Variants in TLN2 observed in about 807,000 individuals in gnomAD.
TLN2 encodes talin 2, also known as talin-2.
TLN2 carries 118 observed loss-of-function variants against 294.7 expected under a neutral mutation model. The ratio of observed to expected loss-of-function variants is 0.40; its 90% CI spans 0.34 to 0.47. TLN2 has a LOEUF of 0.47. Among genes scored for constraint, TLN2 ranks in the 20% least tolerant of loss-of-function variants. The pLI is 0.84. For synonymous variants in TLN2, 1,431 were observed against 1,304.5 expected, an observed-to-expected ratio of 1.10 and a Z score of -2.09; for missense variants, 3,083 against 3,282.2, an observed-to-expected ratio of 0.94 and a Z score of 1.48.
chr15:62,609,642 C>G (rs1484124560), intron 2 of TLN2, among the ~76,000 whole-genome samples: 1 of 152,088 alleles, frequency 6.6e-6, no homozygotes, highest in African/African-American at 2.4e-5. Context: ...AGAAGGGATA[C>G]CATGTTCTTT....
Position 62,820,641 on chromosome 15 carries a change from T to C in TLN2, c.7002+31T>C, listed in dbSNP as rs1420810893. On this transcript the variant is annotated intron_variant, in intron 54 of 58. Coordinates refer to ENST00000636159, the MANE Select transcript of TLN2 (RefSeq NM_015059.3). ...TGTTCATTTATGGTTGGCTGTCCGATGTCAGTGGGTTCTTCCAGTGGGTGG... is the reference window on the plus strand; with the variant it reads ...TGTTCATTTATGGTTGGCTGTCCGACGTCAGTGGGTTCTTCCAGTGGGTGG... 12 of 1,603,268 alleles carry C rather than the reference T, an allele frequency of 7.5e-6. No individual in the cohort carries two copies. The African/African-American group carries it at 8.0e-5, about 11-fold the overall frequency.
chr15:62,678,814 G>A (rs1487697597), intron 11 of TLN2, among the ~76,000 whole-genome samples: 5 of 152,236 alleles, frequency 3.3e-5, no homozygotes, highest in South Asian at 4.2e-4. Flanking sequence ...CTGGGCGATA[G>A]AGCAAGACTC....
chr15:62,562,348 C>G (rs2043036435), intron 1 of TLN2, among the ~76,000 whole-genome samples: 1 of 152,098 alleles, frequency 6.6e-6, no homozygotes, highest in Admixed American at 6.5e-5. Context: ...TGCCTGACAC[C>G]TGGCATCCTG....
chr15:62,835,571 G>T, intron 55 of TLN2, 166 bp from the exon 56 acceptor site: 1 of 708,116 alleles, frequency 1.4e-6, no homozygotes, highest in Non-Finnish European at 2.4e-6. Context: ...TCTTGGCATG[G>T]CCTGAGTCCC....
chr15:62,664,872 A>AAAAAAAAT (rs2054383434), intron 9 of TLN2, among the ~76,000 whole-genome samples: 1 of 149,708 alleles, frequency 6.7e-6, no homozygotes, highest in African/African-American at 2.4e-5. Context: ...AAAAAAAAAA[A>AAAAAAAAT]AAAAAAGTGG....
At chr15:62,527,861 A>G (rs566654325) in intron 1 of TLN2, among the ~76,000 whole-genome samples, 143 of 152,334 alleles carry the variant, frequency 9.4e-4, no homozygotes, top group African/African-American at 3.3e-3. Flanking sequence ...AGTTACTCTG[A>G]ATCCTATAGC....
intron 31 of TLN2, 108 bp from the exon 32 acceptor site, chr15:62,740,522 C>T: frequency 1.4e-6 from 2 of 1,475,964 alleles, no homozygotes; most frequent in South Asian, 2.6e-5. Context: ...TTAATGTGAT[C>T]TATACGGATA....
At chr15:62,706,595 T>G (rs1307027535) in intron 19 of TLN2, among the ~76,000 whole-genome samples, 1 of 152,250 alleles carries the variant, frequency 6.6e-6, no homozygotes, top group Non-Finnish European at 1.5e-5. Context: ...TGGCTAAATT[T>G]CTGATGACGA....
At chr15:62,781,263 C>T (rs576217119) in intron 44 of TLN2, 22 bp downstream of exon 44, 2 of 1,583,530 alleles carry the variant, frequency 1.3e-6, no homozygotes, top group African/African-American at 1.3e-5. Context: ...GAGAGCTGCC[C>T]TCCCCACTGT....
rs189321852 is a variant in TLN2 at position 62,626,950 on chromosome 15, C to T, written c.-37+8475C>T. Among the ~76,000 whole-genome samples, 171 of 152,290 alleles carry T rather than the reference C, an allele frequency of 1.1e-3. 1 individual carries two copies. Among genetic ancestry groups the T allele is most frequent in the African/African-American group, 3.9e-3 (162 of 41,570 alleles). On this transcript the variant is annotated intron_variant, in intron 3 of 58. Coordinates refer to ENST00000636159, the MANE Select transcript of TLN2 (RefSeq NM_015059.3). ...GCAAGGACGAATACCAAGGTGTTTC[C>T]TCTTGGCAGATATCCAGTTACATTA...
intron 1 of TLN2, among the ~76,000 whole-genome samples, chr15:62,435,647 C>T (rs1024457276): frequency 6.6e-6 from 1 of 152,090 alleles, no homozygotes; most frequent in Admixed American, 6.6e-5. Flanking sequence ...GTTCGAGCAA[C>T]TCTCTTGCCT....
At chr15:62,674,694 G>T (rs950391902) in intron 10 of TLN2, among the ~76,000 whole-genome samples, 3 of 151,910 alleles carry the variant, frequency 2.0e-5, no homozygotes, top group Non-Finnish European at 4.4e-5. Context: ...TAGAGAGGGG[G>T]TTTCACCATG....
At chr15:62,433,299 T>C (rs2035113348) in intron 1 of TLN2, among the ~76,000 whole-genome samples, 1 of 152,130 alleles carries the variant, frequency 6.6e-6, no homozygotes, top group African/African-American at 2.4e-5. Flanking sequence ...AACTTCTTGT[T>C]GTATCTGAAT....
rs764248336 is a variant in TLN2, at chr15:62,582,246, A to ACACACACACACCCCCC, written c.-237-7439_-237-7438insCACACACACCCCCCCA. Among the ~76,000 whole-genome samples, 154 of 137,310 alleles carry ACACACACACACCCCCC rather than the reference A, an allele frequency of 1.1e-3. 3 individuals are homozygous for ACACACACACACCCCCC. The highest frequency in any genetic ancestry group is 3.7e-3 in the East Asian group (16 of 4,332). 90.1% of individuals were successfully genotyped at this position (137,310 alleles called of 152,430 possible). ...CACACACACACACACACACACACAC[A>ACACACACACACCCCCC]CATTCATGCCTGACCCATTCCTGAC... On this transcript the variant is annotated intron_variant, in intron 1 of 58. Coordinates refer to ENST00000636159, the MANE Select transcript of TLN2 (RefSeq NM_015059.3).
chr15:62,708,602 A>C lies in TLN2; in HGVS notation c.2273A>C (p.Gln758Pro). The C allele has an allele frequency of 6.2e-7, 1 of 1,614,204 alleles. No individual in the cohort carries two copies. Among genetic ancestry groups the C allele is most frequent in the Non-Finnish European group, 8.5e-7 (1 of 1,180,034 alleles). Reference protein sequence around the residue: ...RSVENCVRACQAATTDSELLK... With the variant: ...RSVENCVRACPAATTDSELLK... ...GTGGAGAACTGTGTCCGTGCCTGCC[A>C]GGCGGCCACTACCGATAGTGAGCTC... is the stretch of plus-strand genomic sequence containing the variant. Residue 758 changes from glutamine to proline, a missense_variant, in exon 21 of 59, where the codon CAG (glutamine) becomes CCG (proline). Gln to Pro is a moderately conservative substitution (Grantham distance 76). Transcript: ENST00000636159.
intron 1 of TLN2, among the ~76,000 whole-genome samples, chr15:62,567,200 C>T (rs138245854): frequency 1.3e-5 from 2 of 152,288 alleles, no homozygotes; most frequent in African/African-American, 2.4e-5. Context: ...CTCTTTCTTT[C>T]GGATCATTCA....
At chr15:62,670,683 G>C (rs1444496380) in intron 9 of TLN2, among the ~76,000 whole-genome samples, 2 of 152,086 alleles carry the variant, frequency 1.3e-5, no homozygotes, top group African/African-American at 4.8e-5. Flanking sequence ...CCATTGTATG[G>C]AGAAACCACA....
chr15:62,430,711 G>A (rs762939524), intron 1 of TLN2, among the ~76,000 whole-genome samples: 1 of 152,052 alleles, frequency 6.6e-6, no homozygotes, highest in African/African-American at 2.4e-5. Context: ...ACCCCATGTC[G>A]ATCATGAGTA....
At chr15:62,500,295 A>C (rs1392203251) in intron 1 of TLN2, among the ~76,000 whole-genome samples, 1 of 152,154 alleles carries the variant, frequency 6.6e-6, no homozygotes, top group Non-Finnish European at 1.5e-5. Flanking sequence ...CTGGGATTGC[A>C]CCATTGCTCT....
Sources: allele counts gnomAD v4.1 joint callset (sites outside exome capture counted in the v4.1 genomes callset), GRCh38; gene constraint gnomAD v4.1.1; transcripts MANE v1.5; gene names NCBI Gene and HGNC (gene_info 2026-07-23, HGNC 2026-07-21).